The following SCN10A variants were observed in gnomAD, a reference collection of about 807,000 sequenced individuals.
The protein encoded by SCN10A is sodium voltage-gated channel alpha subunit 10, also known as sodium channel protein type 10 subunit alpha.
Under a neutral mutation model 170.7 loss-of-function variants are expected in SCN10A, and 162 were observed. That is an observed-to-expected ratio of 0.95 (90% CI 0.84 to 1.08). The LOEUF (loss-of-function observed/expected upper bound fraction) is 1.08, where lower values mean the gene tolerates loss of function less well. Ranked by LOEUF, SCN10A falls within the 50% of genes least tolerant of loss-of-function variation. The probability of loss-of-function intolerance (pLI) is 0.00; values close to 1 mark genes in which losing one functional copy is unlikely to be tolerated. For missense variants in SCN10A, 2,527 were observed against 2,436.9 expected, an observed-to-expected ratio of 1.04 and a Z score of -0.78; for synonymous variants, 985 against 904.6, an observed-to-expected ratio of 1.09 and a Z score of -1.59.
intron 17 of SCN10A, among the ~76,000 whole-genome samples, chr3:38,725,678 A>G (rs2063446798): frequency 6.6e-6 from 1 of 152,282 alleles, no homozygotes; most frequent in Non-Finnish European, 1.5e-5. Context: ...GCTTGGCTCA[A>G]TAGATTTTAG....
At chr3:38,738,012 G>GC (rs1355116659) in intron 15 of SCN10A, among the ~76,000 whole-genome samples, 1 of 151,262 alleles carries the variant, frequency 6.6e-6, no homozygotes, top group Non-Finnish European at 1.5e-5. Flanking sequence ...CGATCATGGT[G>GC]CACTGCAGCC....
At chr3:38,723,993 C>T (rs1182827900) in intron 18 of SCN10A, among the ~76,000 whole-genome samples, 2 of 152,170 alleles carry the variant, frequency 1.3e-5, no homozygotes, top group Non-Finnish European at 2.9e-5. Flanking sequence ...GCCCCTCCTG[C>T]CTAGCCGGGG....
intron 1 of SCN10A, among the ~76,000 whole-genome samples, chr3:38,812,789 T>C (rs1323093224): frequency 1.3e-5 from 2 of 152,080 alleles, no homozygotes. Flanking sequence ...ATCCCATCAT[T>C]TTGGGAGGCT....
chr3:38,772,275 A>T (rs1433680611), intron 4 of SCN10A, among the ~76,000 whole-genome samples: 1 of 151,198 alleles, frequency 6.6e-6, no homozygotes, highest in African/African-American at 2.4e-5. Flanking sequence ...AGCATCAGGA[A>T]TTTGAAGGAT....
intron 13 of SCN10A, among the ~76,000 whole-genome samples, chr3:38,747,467 A>G (rs1248615371): frequency 6.6e-6 from 1 of 152,164 alleles, no homozygotes; most frequent in African/African-American, 2.4e-5. Flanking sequence ...GGTTCTAAGC[A>G]TTTTGCTTGA....
chr3:38,813,529 A>T (rs1214469216), intron 1 of SCN10A, among the ~76,000 whole-genome samples: 1 of 152,190 alleles, frequency 6.6e-6, no homozygotes, highest in Admixed American at 6.5e-5. Context: ...TGACATAGGT[A>T]TTATTATGGC....
chr3:38,699,757 C>T (rs1038174080), intron 27 of SCN10A, among the ~76,000 whole-genome samples: 6 of 152,168 alleles, frequency 3.9e-5, no homozygotes, highest in African/African-American at 1.4e-4. Context: ...GTCTACAGCA[C>T]ATTTTAATTT....
At chr3:38,705,876 C>T (rs1268768192) in intron 26 of SCN10A, among the ~76,000 whole-genome samples, 1 of 152,174 alleles carries the variant, frequency 6.6e-6, no homozygotes, top group Non-Finnish European at 1.5e-5. Flanking sequence ...GGGTCCTCCT[C>T]TCATTACCCA....
chr3:38,709,233 A>G (rs1207632390), intron 25 of SCN10A, among the ~76,000 whole-genome samples: 3 of 152,184 alleles, frequency 2.0e-5, no homozygotes, highest in African/African-American at 7.2e-5. Flanking sequence ...ACCTGGTTCC[A>G]GTTGGGAAGA....
At chr3:38,717,125 G>C (rs1474851149) in intron 21 of SCN10A, among the ~76,000 whole-genome samples, 1 of 152,174 alleles carries the variant, frequency 6.6e-6, no homozygotes, top group Non-Finnish European at 1.5e-5. Flanking sequence ...ATGATGAATA[G>C]ATGGAAGGAA....
At chr3:38,787,477 TTTC>T in intron 4 of SCN10A, among the ~76,000 whole-genome samples, 1 of 152,140 alleles carries the variant, frequency 6.6e-6, no homozygotes, top group Non-Finnish European at 1.5e-5. Flanking sequence ...TCGGTACTTT[TTTC>T]TTCTTGCACT....
chr3:38,802,084 T>A (rs551479198), intron 1 of SCN10A, among the ~76,000 whole-genome samples: 13 of 152,174 alleles, frequency 8.5e-5, no homozygotes, highest in African/African-American at 2.9e-4. Flanking sequence ...AGATAGAAAC[T>A]TAGGAGTCTT....
At chr3:38,720,256 G>T (rs2063376358) in intron 20 of SCN10A, among the ~76,000 whole-genome samples, 1 of 152,224 alleles carries the variant, frequency 6.6e-6, no homozygotes, top group South Asian at 2.1e-4. Context: ...GAGATTGGTT[G>T]AGTAAATTAT....
At chr3:38,764,743 G>A (rs575546172) in intron 5 of SCN10A, among the ~76,000 whole-genome samples, 2 of 152,288 alleles carry the variant, frequency 1.3e-5, no homozygotes, top group Non-Finnish European at 2.9e-5. Flanking sequence ...TAGTGGGATT[G>A]CTGGACCAAA....
Position 38,761,361 on chromosome 3 carries a change from G to A in SCN10A, c.714C>T (p.Ala238=), listed in dbSNP as rs771434272. ...CCAGTTTCTTCACTGAGTGAATCAG[G>A]GCCCCCACAATGACCTTCAGGCCTG... is the stretch of plus-strand genomic sequence containing the variant. ...VIPGLKVIVG[A]LIHSVKKLAD... Residue 238 remains alanine (A), a synonymous_variant, in exon 7 of 28, where the codon GCC becomes GCT. Coordinates refer to ENST00000449082, the MANE Select transcript of SCN10A (RefSeq NM_006514.4). 1 of 1,613,564 alleles carries A rather than the reference G, an allele frequency of 6.2e-7. No individual in the cohort carries two copies. The highest frequency in any genetic ancestry group is 1.1e-5 in the South Asian group (1 of 90,948).
intron 13 of SCN10A, 106 bp downstream of exon 13, chr3:38,749,967 T>C: frequency 1.7e-6 from 1 of 592,852 alleles, no homozygotes; most frequent in Non-Finnish European, 3.0e-6. Context: ...GGAATTCCAG[T>C]ACACAGAGAT....
At chr3:38,746,966 ATAATCCCTCT>A (rs2063697022) in intron 13 of SCN10A, among the ~76,000 whole-genome samples, 2 of 152,296 alleles carry the variant, frequency 1.3e-5, no homozygotes, top group Admixed American at 1.3e-4. Context: ...TTTCTTAAGC[ATAATCCCTCT>A]TAAAGAGGTG....
At position 38,728,563 on chromosome 3, in the gene SCN10A, C is replaced by T. The variant is rs1180380009; in HGVS notation, c.2619G>A (p.Val873=). Residue 873 remains valine, a synonymous_variant, in exon 16 of 28, where the codon GTG becomes GTA. Transcript: ENST00000449082. ...TCACCACCAGGTTCCCTAGCACCAT[C>T]ACCGTCAAGAAAAGGATGAGGCATA... ...KSICLILFLT[V]MVLGNLVVLN... is the part of the protein sequence containing the mutation. 1 of 1,594,262 alleles carries T rather than the reference C, an allele frequency of 6.3e-7. No individual in the cohort carries two copies. The highest frequency in any genetic ancestry group is 8.6e-7 in the Non-Finnish European group (1 of 1,167,370).
In SCN10A at chr3:38,761,271, G is replaced by A. The variant is rs775609117; in HGVS notation, c.804C>T (p.Phe268=). 1 of 1,614,046 alleles carries A rather than the reference G, an allele frequency of 6.2e-7. No individual in the cohort carries two copies. ...SVFALVGLQL[F]KGNLKNKCVK... is the part of the protein sequence containing the mutation. ...CACATTTATTTTTGAGGTTGCCCTT[G>A]AAGAGTTGCAGCCCCACCAAGGCAA... The change falls in exon 7 of 28, where the codon TTC becomes TTT. Residue 268 remains phenylalanine (F), a synonymous_variant. Transcript: ENST00000449082.
Sources: allele counts gnomAD v4.1 joint callset (sites outside exome capture counted in the v4.1 genomes callset), GRCh38; gene constraint gnomAD v4.1.1; transcripts MANE v1.5; gene names NCBI Gene and HGNC (gene_info 2026-07-23, HGNC 2026-07-21).